HERC4: variants seen among roughly 807,000 people sequenced by gnomAD.
HERC4 encodes the protein HECT and RLD domain containing E3 ubiquitin protein ligase 4, also known as probable E3 ubiquitin-protein ligase HERC4.
Under a neutral mutation model 124.3 loss-of-function variants are expected in HERC4, and 28 were observed. The observed-to-expected ratio is 0.23, with a 90% confidence interval of 0.17 to 0.31. The LOEUF is 0.31. HERC4 is among the 10% of genes least tolerant of loss of function. The pLI is 1.00. For synonymous variants in HERC4, 407 were observed against 421.5 expected (o/e 0.97, Z 0.42); for missense variants, 713 against 1,229.3 (o/e 0.58, Z 6.28).
intron 15 of HERC4, among the ~76,000 whole-genome samples, chr10:67,977,369 T>G (rs2035656955): frequency 6.6e-6 from 1 of 152,146 alleles, no homozygotes; most frequent in Non-Finnish European, 1.5e-5. Flanking sequence ...TCATTATCTG[T>G]TAACTGAAGA....
At chr10:68,054,985 C>T (rs1589434293) in intron 3 of HERC4, among the ~76,000 whole-genome samples, 1 of 152,232 alleles carries the variant, frequency 6.6e-6, no homozygotes, top group South Asian at 2.1e-4. Context: ...TGCAGTGGCA[C>T]GATCTCGGCT....
At chr10:68,039,108 A>T (rs1373147941) in intron 4 of HERC4, among the ~76,000 whole-genome samples, 1 of 150,280 alleles carries the variant, frequency 6.7e-6, no homozygotes, top group Admixed American at 6.7e-5. Flanking sequence ...GGAGTTTGAG[A>T]CCAGACTGGC....
At chr10:68,041,057 T>C (rs192345733) in intron 4 of HERC4, among the ~76,000 whole-genome samples, 94 of 152,318 alleles carry the variant, frequency 6.2e-4, no homozygotes, top group Admixed American at 1.0e-3. Flanking sequence ...TGTTGTATTC[T>C]TCTGTTTTCC....
chr10:67,958,938 T>C (rs1219294503), intron 16 of HERC4, among the ~76,000 whole-genome samples: 1 of 152,178 alleles, frequency 6.6e-6, no homozygotes, highest in Non-Finnish European at 1.5e-5. Flanking sequence ...AGAAAACTTC[T>C]GAAATGTTAT....
At chr10:67,943,978 G>A (rs886581558) in intron 19 of HERC4, among the ~76,000 whole-genome samples, 1 of 152,232 alleles carries the variant, frequency 6.6e-6, no homozygotes, top group Non-Finnish European at 1.5e-5. Context: ...TCCAAGCCCT[G>A]GCTCTCAGAC....
intron 22 of HERC4, among the ~76,000 whole-genome samples, chr10:67,934,194 T>C (rs2032114421): frequency 6.6e-6 from 1 of 152,240 alleles, no homozygotes; most frequent in Admixed American, 6.5e-5. Context: ...CCTGTACATC[T>C]ATTATATTTA....
intron 3 of HERC4, among the ~76,000 whole-genome samples, chr10:68,048,540 T>C (rs2040129589): frequency 6.6e-6 from 1 of 152,134 alleles, no homozygotes; most frequent in Non-Finnish European, 1.5e-5. Context: ...ATAGAGGATT[T>C]TGAGGGCAGT....
intron 3 of HERC4, chr10:68,070,051 G>A (rs184884048): frequency 1.7e-5 from 17 of 974,586 alleles, no homozygotes; most frequent in Admixed American, 6.2e-5. Context: ...CAAACAAAAC[G>A]AAACAAAACA....
intron 22 of HERC4, among the ~76,000 whole-genome samples, chr10:67,935,147 ATTT>A (rs375653222): frequency 1.5e-5 from 2 of 132,994 alleles, no homozygotes; most frequent in Non-Finnish European, 1.6e-5. Flanking sequence ...ATCGATTTAC[ATTT>A]TTTTTTTTTT....
rs141398222 is a variant in HERC4 at position 68,019,695 on chromosome 10, G to A, written c.909-5509C>T. On this transcript the variant is annotated intron_variant, in intron 8 of 24. Transcript: ENST00000373700. ...GCAAATTCTGGTTAATTTCAACTTC[G>A]GATCTTAGCATGGTAGCAGTTACCC... Among the ~76,000 whole-genome samples, 40 of 152,212 alleles carry A rather than the reference G, an allele frequency of 2.6e-4. No homozygotes were observed. The East Asian group carries it at 6.9e-3, about 26-fold the overall frequency.
At chr10:68,066,040 G>GT (rs763580164) in intron 3 of HERC4, among the ~76,000 whole-genome samples, 46 of 151,478 alleles carry the variant, frequency 3.0e-4, no homozygotes, top group African/African-American at 9.2e-4. Flanking sequence ...CATTAATATA[G>GT]TTTCCTCATT....
chr10:68,027,020 A>G (rs997702163), intron 7 of HERC4, among the ~76,000 whole-genome samples: 18 of 152,178 alleles, frequency 1.2e-4, no homozygotes, highest in African/African-American at 3.9e-4. Flanking sequence ...ACAAAAAAAC[A>G]TATAATATAT....
intron 15 of HERC4, among the ~76,000 whole-genome samples, chr10:67,975,538 T>C (rs1190577941): frequency 1.3e-5 from 2 of 152,038 alleles, no homozygotes; most frequent in Non-Finnish European, 2.9e-5. Context: ...TTTGTAGAGA[T>C]GGGATTTCAC....
intron 3 of HERC4, among the ~76,000 whole-genome samples, chr10:68,055,088 A>G (rs1025768301): frequency 5.3e-5 from 8 of 152,016 alleles, no homozygotes; most frequent in African/African-American, 1.7e-4. Flanking sequence ...ATACCTGGCT[A>G]TTTTTGTATT....
intron 23 of HERC4, among the ~76,000 whole-genome samples, chr10:67,930,364 T>C (rs1215202386): frequency 6.6e-6 from 1 of 152,226 alleles, no homozygotes; most frequent in Non-Finnish European, 1.5e-5. Flanking sequence ...CCAGAATTCA[T>C]TTCATCTAGT....
intron 9 of HERC4, among the ~76,000 whole-genome samples, chr10:68,006,198 G>C (rs1412933757): frequency 1.3e-5 from 2 of 152,096 alleles, no homozygotes; most frequent in Non-Finnish European, 2.9e-5. Context: ...CTCAAGATGA[G>C]TAGTGCGCAC....
intron 23 of HERC4, among the ~76,000 whole-genome samples, chr10:67,927,979 G>C (rs2031331873): frequency 6.6e-6 from 1 of 152,162 alleles, no homozygotes; most frequent in Admixed American, 6.5e-5. Flanking sequence ...GTGTGCAGGA[G>C]AGAGGTTTGC....
At chr10:68,035,599 T>G (rs935894580) in intron 5 of HERC4, among the ~76,000 whole-genome samples, 13 of 152,366 alleles carry the variant, frequency 8.5e-5, no homozygotes, top group Middle Eastern at 6.8e-3. Context: ...TATATTTCAG[T>G]GCTTTCTCAC....
chr10:68,030,191 G>A (rs1186364615), intron 7 of HERC4, among the ~76,000 whole-genome samples: 1 of 151,982 alleles, frequency 6.6e-6, no homozygotes, highest in East Asian at 1.9e-4. Context: ...TGTAATCCCA[G>A]CATTCTGGGA....
Sources: allele counts gnomAD v4.1 joint callset (sites outside exome capture counted in the v4.1 genomes callset), GRCh38; gene constraint gnomAD v4.1.1; transcripts MANE v1.5; gene names NCBI Gene and HGNC (gene_info 2026-07-23, HGNC 2026-07-21).